Variants in SNX10 observed in about 807,000 individuals in gnomAD.
SNX10 encodes sorting nexin 10.
Under a neutral mutation model 28.5 loss-of-function variants are expected in SNX10, and 25 were observed. The observed-to-expected ratio is 0.88, with a 90% CI of 0.64 to 1.22. The LOEUF (loss-of-function observed/expected upper bound fraction) is 1.22, where lower values mean the gene tolerates loss of function less well. Among genes scored for constraint, SNX10 ranks in the 50% most tolerant of loss-of-function variants. The probability of loss-of-function intolerance (pLI) is 0.00; values close to 1 mark genes in which losing one functional copy is unlikely to be tolerated. For synonymous variants in SNX10, 62 were observed against 81.4 expected (o/e 0.76, Z 1.28); for missense variants, 223 against 242.6 (o/e 0.92, Z 0.54).
chr7:26,328,630 AG>A (rs1787601985), intron 1 of SNX10, among the ~76,000 whole-genome samples: 1 of 152,164 alleles, frequency 6.6e-6, no homozygotes, highest in Admixed American at 6.5e-5. Context: ...GGCTTCTGCT[AG>A]GAAGCCACAT....
At chr7:26,311,375 C>T (rs1786844194) in intron 1 of SNX10, among the ~76,000 whole-genome samples, 1 of 151,942 alleles carries the variant, frequency 6.6e-6, no homozygotes, top group South Asian at 2.1e-4. Context: ...GGTCTGGAGC[C>T]CCTGGGCTCA....
intron 1 of SNX10, among the ~76,000 whole-genome samples, chr7:26,317,953 G>A (rs915811756): frequency 2.0e-5 from 3 of 152,006 alleles, no homozygotes; most frequent in African/African-American, 7.3e-5. Context: ...GAGCCACCAC[G>A]CCCGGCTTTC....
chr7:26,318,073 A>G (rs933999584), intron 1 of SNX10, among the ~76,000 whole-genome samples: 4 of 152,220 alleles, frequency 2.6e-5, no homozygotes, highest in African/African-American at 7.2e-5. Flanking sequence ...CTTGAAAGCA[A>G]TTGGAGTATG....
At chr7:26,332,941 A>C (rs1400111968) in intron 1 of SNX10, among the ~76,000 whole-genome samples, 1 of 152,098 alleles carries the variant, frequency 6.6e-6, no homozygotes, top group Non-Finnish European at 1.5e-5. Flanking sequence ...GTTTGTTTGT[A>C]CTTGTGCCAA....
chr7:26,327,830 C>T (rs531450427), intron 1 of SNX10, among the ~76,000 whole-genome samples: 231 of 147,332 alleles, frequency 1.6e-3, no homozygotes, highest in African/African-American at 5.5e-3. Flanking sequence ...CCCGGGTTCA[C>T]GCCATTCTCC....
chr7:26,367,107 T>TA (rs1473854990), intron 5 of SNX10, among the ~76,000 whole-genome samples: 5 of 152,150 alleles, frequency 3.3e-5, no homozygotes, highest in African/African-American at 1.2e-4. Context: ...TAGAGTGGGA[T>TA]AATAGTACCC....
At chr7:26,299,201 ATT>A (rs796316810) in intron 1 of SNX10, among the ~76,000 whole-genome samples, 1 of 147,336 alleles carries the variant, frequency 6.8e-6, no homozygotes, top group Non-Finnish European at 1.5e-5. Flanking sequence ...GATTTCAGCA[ATT>A]TTTTTTTTTT....
chr7:26,308,927 T>C (rs1330083730), intron 1 of SNX10, among the ~76,000 whole-genome samples: 1 of 152,190 alleles, frequency 6.6e-6, no homozygotes, highest in African/African-American at 2.4e-5. Context: ...GATTGCTTGC[T>C]TGTTGGTGGG....
rs1789221507 is a variant in SNX10, at chr7:26,364,713, A to G, written c.212+78A>G. The G allele has an allele frequency of 9.7e-7, 1 of 1,025,722 alleles. No individual in the cohort carries two copies. The highest frequency in any genetic ancestry group is 2.5e-5 in the Admixed American group (1 of 39,712). The allele number at this position is 1,025,722 out of a possible 1,614,324, so 63.5% of individuals were successfully genotyped here. A position where few individuals can be genotyped will look rare whatever the true frequency, so the allele number is the denominator to read the frequency against. On this transcript the variant is annotated intron_variant, in intron 4 of 6. Transcript: ENST00000338523. This position sits in a 1 kb window ranked among gnomAD's most constrained non-coding sequence, Gnocchi z 4.9. ...AAATTGACGTTCATTAAGATATATA[A>G]GATATGAAGGATTTTTATAGGCTTT...
intron 1 of SNX10, among the ~76,000 whole-genome samples, chr7:26,344,982 G>C (rs1052151997): frequency 1.3e-5 from 2 of 152,068 alleles, no homozygotes; most frequent in Admixed American, 1.3e-4. Context: ...CCAGCCCCAG[G>C]GGCTCCATGG....
At chr7:26,301,000 C>T (rs1786312903) in intron 1 of SNX10, among the ~76,000 whole-genome samples, 1 of 105,044 alleles carries the variant, frequency 9.5e-6, no homozygotes, top group Non-Finnish European at 1.7e-5. Flanking sequence ...ACCTGGGTGA[C>T]AGAGTGATAC....
intron 1 of SNX10, among the ~76,000 whole-genome samples, chr7:26,325,069 C>A (rs934392302): frequency 2.6e-5 from 4 of 151,590 alleles, no homozygotes; most frequent in African/African-American, 9.7e-5. Context: ...CTGTGATCAT[C>A]CCCCTCTGCC....
chr7:26,316,909 A>G (rs1787116569), intron 1 of SNX10, among the ~76,000 whole-genome samples: 2 of 152,194 alleles, frequency 1.3e-5, no homozygotes, highest in African/African-American at 4.8e-5. Context: ...ATATACTAGA[A>G]TTTTAAGATG....
At chr7:26,369,841 A>G (rs527577691) in intron 5 of SNX10, among the ~76,000 whole-genome samples, 2 of 152,236 alleles carry the variant, frequency 1.3e-5, no homozygotes, top group South Asian at 4.1e-4. Context: ...GTCCCGATCA[A>G]CCTGGACTCT....
intron 1 of SNX10, among the ~76,000 whole-genome samples, chr7:26,328,125 A>G (rs2128003305): frequency 6.6e-6 from 1 of 152,276 alleles, no homozygotes; most frequent in African/African-American, 2.4e-5. Flanking sequence ...AGCTAGAGTC[A>G]AGAGTAGAAC....
At chr7:26,355,249 G>T (rs950746086) in intron 2 of SNX10, among the ~76,000 whole-genome samples, 6 of 152,134 alleles carry the variant, frequency 3.9e-5, no homozygotes, top group Admixed American at 3.9e-4. Flanking sequence ...TTAACATTGG[G>T]AAGAAGGCTT....
At chr7:26,326,415 C>G (rs138868668) in intron 1 of SNX10, among the ~76,000 whole-genome samples, 42 of 152,318 alleles carry the variant, frequency 2.8e-4, no homozygotes, top group African/African-American at 9.9e-4. Context: ...CCATCCGAGT[C>G]CAGTGAATCA....
chr7:26,335,596 CA>C (rs1471666957), intron 1 of SNX10, among the ~76,000 whole-genome samples: 1 of 152,100 alleles, frequency 6.6e-6, no homozygotes. Context: ...TCTTCCCCAG[CA>C]GATCTGGGAG....
chr7:26,372,364 A>C, intron 6 of SNX10, 127 bp from the exon 7 acceptor site: 1 of 698,838 alleles, frequency 1.4e-6, no homozygotes, highest in African/African-American at 1.8e-5. Flanking sequence ...GCTAATTAAA[A>C]GTCCAAATTT....
Sources: gnomAD v4.1 joint callset for allele counts (sites outside exome capture counted in the v4.1 genomes callset) on GRCh38, gnomAD v4.1.1 for gene constraint, Gnocchi (gnomAD v3.1) non-coding constraint, MANE v1.5 for transcripts, NCBI Gene and HGNC (gene_info 2026-07-23, HGNC 2026-07-21) for gene names.